The following ARID4B variants were observed in gnomAD, a reference collection of about 807,000 sequenced individuals.
The protein encoded by ARID4B is AT-rich interactive domain-containing protein 4B.
A neutral mutation model predicts 147.5 loss-of-function variants in ARID4B; 26 were observed. That is an observed-to-expected ratio of 0.18 (90% confidence interval 0.13 to 0.24). The LOEUF is 0.24. Ranked by LOEUF, ARID4B falls within the 10% of genes least tolerant of loss-of-function variation. The probability of loss-of-function intolerance (pLI) is 1.00; values close to 1 mark genes in which losing one functional copy is unlikely to be tolerated. For missense variants in ARID4B, 1,179 were observed against 1,511.5 expected (o/e 0.78, Z 3.65); for synonymous variants, 512 against 507.9 (o/e 1.01, Z -0.11).
At chr1:235,172,051 A>G (rs929685652) in intron 23 of ARID4B, among the ~76,000 whole-genome samples, 2 of 151,948 alleles carry the variant, frequency 1.3e-5, no homozygotes, top group African/African-American at 4.8e-5. Context: ...CCTTAACATC[A>G]TTTTCTTCAT....
rs1354055465 is a variant in ARID4B, at chr1:235,166,990, T to A, written c.*1535A>T. On this transcript the variant is annotated 3_prime_UTR_variant, in exon 24 of 24. Coordinates refer to ENST00000264183, the MANE Select transcript of ARID4B (RefSeq NM_016374.6). ...TCTTCATTGTTTGCAGATCCTAATA[T>A]ATACTTTATAGCTTTTATTCTATAA... The A allele has an allele frequency of 1.1e-5, 2 of 180,846 alleles. No individual in the cohort carries two copies. Among genetic ancestry groups the A allele is most frequent in the African/African-American group, 4.7e-5 (2 of 42,502 alleles). 11.2% of individuals were successfully genotyped at this position (180,846 alleles called of 1,614,324 possible).
At chr1:235,255,533 T>G in intron 5 of ARID4B, 127 bp downstream of exon 5, 1 of 575,304 alleles carries the variant, frequency 1.7e-6, no homozygotes, top group Non-Finnish European at 2.9e-6. Flanking sequence ...TGTGGAAAGA[T>G]AAAATCCAGT....
chr1:235,255,814 G>T, intron 4 of ARID4B, 64 bp from the exon 5 acceptor site: 7 of 1,191,686 alleles, frequency 5.9e-6, no homozygotes, highest in Non-Finnish European at 8.4e-6. Context: ...CAAAACCTGG[G>T]TTTGTTTTCT....
chr1:235,296,063 A>T (rs1188846137), intron 2 of ARID4B: 4 of 162,782 alleles, frequency 2.5e-5, no homozygotes, highest in Non-Finnish European at 5.4e-5. Flanking sequence ...TCCTTGGAAG[A>T]CTGGTCCAGT....
At chr1:235,296,994 T>G (rs910319779) in intron 2 of ARID4B, among the ~76,000 whole-genome samples, 1 of 152,072 alleles carries the variant, frequency 6.6e-6, no homozygotes, top group East Asian at 1.9e-4. Flanking sequence ...CCAGGGCTAC[T>G]TGTTCTTTTC....
intron 2 of ARID4B, among the ~76,000 whole-genome samples, chr1:235,314,806 C>T (rs112107989): frequency 0.013 from 1,915 of 151,870 alleles, 44 homozygotes; most frequent in African/African-American, 0.044. Context: ...ATATATATTT[C>T]GGTATATACA....
intron 19 of ARID4B, among the ~76,000 whole-genome samples, chr1:235,185,928 G>A (rs1358118628): frequency 2.0e-5 from 3 of 150,192 alleles, no homozygotes. Flanking sequence ...CAATTTCAAT[G>A]TAAAGATTTG....
At chr1:235,235,945 C>CT (rs397795149) in intron 8 of ARID4B, among the ~76,000 whole-genome samples, 5,873 of 141,998 alleles carry the variant, frequency 0.041, 431 homozygotes, top group African/African-American at 0.14. Flanking sequence ...TTTTCTTTTT[C>CT]TTTTTTTTTT....
intron 7 of ARID4B, among the ~76,000 whole-genome samples, chr1:235,244,673 C>T (rs912412211): frequency 6.6e-6 from 1 of 152,114 alleles, no homozygotes; most frequent in African/African-American, 2.4e-5. Context: ...TTTGGTGATA[C>T]ATCACTCCAA....
chr1:235,238,817 T>C (rs568519794), intron 8 of ARID4B, among the ~76,000 whole-genome samples: 1 of 151,070 alleles, frequency 6.6e-6, no homozygotes, highest in South Asian at 2.1e-4. Context: ...ATCACACCAC[T>C]GCACTCTAAC....
intron 9 of ARID4B, among the ~76,000 whole-genome samples, chr1:235,234,070 C>G (rs1668409050): frequency 6.6e-6 from 1 of 152,090 alleles, no homozygotes; most frequent in African/African-American, 2.4e-5. Flanking sequence ...CAGAGTGAGA[C>G]TCCGTCTCAA....
intron 17 of ARID4B, among the ~76,000 whole-genome samples, chr1:235,210,152 A>G (rs1225807319): frequency 6.6e-6 from 1 of 152,008 alleles, no homozygotes; most frequent in Non-Finnish European, 1.5e-5. Flanking sequence ...ACTCGAGCCC[A>G]AGAAGTCGAG....
intron 3 of ARID4B, among the ~76,000 whole-genome samples, chr1:235,257,609 G>A (rs1670065682): frequency 6.6e-6 from 1 of 151,908 alleles, no homozygotes; most frequent in South Asian, 2.1e-4. Flanking sequence ...AGTCTTTCAA[G>A]TAGTTAGGAT....
chr1:235,182,036 C>T lies in ARID4B; in HGVS notation c.2883G>A (p.Glu961=), dbSNP rs1664348296. The T allele has an allele frequency of 1.2e-6, 2 of 1,614,192 alleles. No homozygotes were observed. Among genetic ancestry groups the T allele is most frequent in the African/African-American group, 1.3e-5 (1 of 75,056 alleles). The change falls in exon 20 of 24, where the codon GAG becomes GAA. Residue 961 remains glutamate (E), a synonymous_variant. Coordinates refer to ENST00000264183, the MANE Select transcript of ARID4B (RefSeq NM_016374.6). ...AAASPPHPAP[E]EGVAEESLQT... ...GCAGTGACTCCTCTGCCACCCCCTC[C>T]TCTGGGGCAGGATGCGGTGGGGAAG...
chr1:235,179,668 G>A (rs1431042723), intron 20 of ARID4B, among the ~76,000 whole-genome samples: 1 of 151,644 alleles, frequency 6.6e-6, no homozygotes, highest in African/African-American at 2.4e-5. Flanking sequence ...ATTCAAAAGG[G>A]CAGTGTTGAC....
intron 2 of ARID4B, among the ~76,000 whole-genome samples, chr1:235,312,015 C>A (rs950717124): frequency 6.6e-6 from 1 of 152,114 alleles, no homozygotes; most frequent in Non-Finnish European, 1.5e-5. Flanking sequence ...ATGGGCCAGG[C>A]ATGGTGGCTC....
At chr1:235,176,532 C>T (rs60957583) in intron 21 of ARID4B, among the ~76,000 whole-genome samples, 3,278 of 151,016 alleles carry the variant, frequency 0.022, 146 homozygotes, top group African/African-American at 0.075. Flanking sequence ...GCAACTCCTC[C>T]CACTGTGAAA....
At chr1:235,205,237 A>C (rs1233175195) in intron 17 of ARID4B, among the ~76,000 whole-genome samples, 3 of 152,244 alleles carry the variant, frequency 2.0e-5, no homozygotes, top group Non-Finnish European at 4.4e-5. Context: ...GAAAGAAAAA[A>C]AATGAAGGAC....
At chr1:235,210,159 C>T (rs574360122) in intron 17 of ARID4B, among the ~76,000 whole-genome samples, 66 of 151,900 alleles carry the variant, frequency 4.3e-4, no homozygotes, top group African/African-American at 1.4e-3. Flanking sequence ...CCCAAGAAGT[C>T]GAGGCTGGAG....
Sources: allele counts gnomAD v4.1 joint callset (sites outside exome capture counted in the v4.1 genomes callset), GRCh38; gene constraint gnomAD v4.1.1; transcripts MANE v1.5; gene names NCBI Gene and HGNC (gene_info 2026-07-23, HGNC 2026-07-21).